Variants in CREB5 observed in about 807,000 individuals in gnomAD.
CREB5 encodes the protein cyclic AMP-responsive element-binding protein 5.
CREB5 carries 19 observed loss-of-function variants against 57.1 expected under a neutral mutation model. The observed-to-expected ratio is 0.33, with a 90% confidence interval of 0.23 to 0.49. The LOEUF is 0.49. CREB5 is among the 20% of genes least tolerant of loss of function. The probability of loss-of-function intolerance (pLI) is 0.99; values close to 1 mark genes in which losing one functional copy is unlikely to be tolerated. For synonymous variants in CREB5, 238 were observed against 238.3 expected, an observed-to-expected ratio of 1.00 and a Z score of 0.01; for missense variants, 579 against 671.6, an observed-to-expected ratio of 0.86 and a Z score of 1.52.
At chr7:28,753,045 C>T (rs1805078229) in intron 7 of CREB5, among the ~76,000 whole-genome samples, 1 of 152,094 alleles carries the variant, frequency 6.6e-6, no homozygotes, top group African/African-American at 2.4e-5. Flanking sequence ...CATGATTCCA[C>T]TTACTGGAAA....
chr7:28,535,037 G>A (rs535363430), intron 4 of CREB5, among the ~76,000 whole-genome samples: 3 of 141,742 alleles, frequency 2.1e-5, no homozygotes, highest in Non-Finnish European at 4.8e-5. Flanking sequence ...ACTGCAGCTC[G>A]CATCTCTGGT....
chr7:28,672,159 G>A (rs1247921692), intron 5 of CREB5, among the ~76,000 whole-genome samples: 2 of 142,550 alleles, frequency 1.4e-5, no homozygotes, highest in South Asian at 2.3e-4. Flanking sequence ...CAGACAAGGA[G>A]ATCAGTTGTA....
At chr7:28,466,021 A>G (rs1790549347) in intron 1 of CREB5, among the ~76,000 whole-genome samples, 1 of 152,206 alleles carries the variant, frequency 6.6e-6, no homozygotes. Context: ...CAAAATAAGG[A>G]CAACTGAGAA....
At chr7:28,700,364 G>C (rs1014666583) in intron 5 of CREB5, among the ~76,000 whole-genome samples, 2 of 151,872 alleles carry the variant, frequency 1.3e-5, no homozygotes, top group African/African-American at 4.8e-5. Context: ...CACTTTGAGG[G>C]GTATCTCCCA....
intron 9 of CREB5, among the ~76,000 whole-genome samples, chr7:28,816,985 GT>G (rs1209290549): frequency 6.6e-6 from 1 of 152,076 alleles, no homozygotes; most frequent in South Asian, 2.1e-4. Flanking sequence ...TCTATTTTAT[GT>G]TTATATTTGT....
At chr7:28,714,308 A>G (rs1463633027) in intron 5 of CREB5, among the ~76,000 whole-genome samples, 2 of 152,188 alleles carry the variant, frequency 1.3e-5, no homozygotes, top group South Asian at 2.1e-4. Context: ...GGGAAGATCA[A>G]TATCTTCCCA....
At chr7:28,804,051 C>CT (rs1808541358) in intron 7 of CREB5, 148 bp from the exon 8 acceptor site, 2 of 725,314 alleles carry the variant, frequency 2.8e-6, no homozygotes, top group Non-Finnish European at 2.3e-6. Context: ...CTATCTTGTA[C>CT]TGGTAGCAAG....
intron 5 of CREB5, among the ~76,000 whole-genome samples, chr7:28,682,694 G>GA (rs761096519): frequency 2.5e-5 from 3 of 119,794 alleles, no homozygotes; most frequent in African/African-American, 9.6e-5. Context: ...GGGGGGGGGG[G>GA]AAACCCCAGC....
At chr7:28,408,213 G>A (rs1787631049), upstream of CREB5, among the ~76,000 whole-genome samples, 1 of 152,178 alleles carries the variant, frequency 6.6e-6, no homozygotes, top group Non-Finnish European at 1.5e-5. Flanking sequence ...CTGTAGAATG[G>A]GAATAATTAT....
intron 1 of CREB5, among the ~76,000 whole-genome samples, chr7:28,330,401 C>CTTT (rs10699932): frequency 0.013 from 1,120 of 88,424 alleles, 29 homozygotes; most frequent in South Asian, 0.021. Context: ...GAGAACCTTA[C>CTTT]TTTTTTTTTT....
intron 4 of CREB5, among the ~76,000 whole-genome samples, chr7:28,561,834 C>T: frequency 6.6e-6 from 1 of 152,220 alleles, no homozygotes; most frequent in East Asian, 1.9e-4. Flanking sequence ...ACTTCTGCCT[C>T]CCTGGTTCAA....
intron 1 of CREB5, among the ~76,000 whole-genome samples, chr7:28,473,048 G>T (rs1289418612): frequency 1.3e-5 from 2 of 152,164 alleles, no homozygotes; most frequent in African/African-American, 4.8e-5. Flanking sequence ...TGTCCAGAGA[G>T]GTAAGCATTA....
At chr7:28,360,600 C>T (rs1228747393) in intron 1 of CREB5, among the ~76,000 whole-genome samples, 2 of 151,984 alleles carry the variant, frequency 1.3e-5, no homozygotes, top group Non-Finnish European at 2.9e-5. Context: ...TCAAAGGGTA[C>T]AATATTTCAG....
At chr7:28,758,243 C>A (rs1349830739) in intron 7 of CREB5, among the ~76,000 whole-genome samples, 1 of 152,184 alleles carries the variant, frequency 6.6e-6, no homozygotes. Flanking sequence ...GTATCTGAGT[C>A]CTTTCCTGCC....
intron 4 of CREB5, among the ~76,000 whole-genome samples, chr7:28,568,614 C>T (rs533415751): frequency 1.7e-4 from 26 of 152,318 alleles, no homozygotes; most frequent in African/African-American, 5.5e-4. Context: ...TTTCCCACAT[C>T]AGAAAAATTT....
At chr7:28,545,598 T>A (rs900346585) in intron 4 of CREB5, among the ~76,000 whole-genome samples, 1 of 152,200 alleles carries the variant, frequency 6.6e-6, no homozygotes, top group South Asian at 2.1e-4. Context: ...AAGAAACATA[T>A]GTATATATAT....
Position 28,412,902 on chromosome 7 carries a change from TATTCTACAG to T in CREB5, c.-10_-2del. On this transcript the variant is annotated 5_prime_UTR_variant, in exon 1 of 11. Transcript: ENST00000357727. ...GCAGGAAGCAACACGTTGCTGCTTT[TATTCTACAG>T]ATAATGGTAAGGATGATGTTTATTA... 1 of 1,494,560 alleles carries T rather than the reference TATTCTACAG, an allele frequency of 6.7e-7. No homozygotes were observed. Among genetic ancestry groups the T allele is most frequent in the Non-Finnish European group, 8.9e-7 (1 of 1,119,124 alleles). 92.6% of individuals were successfully genotyped at this position (1,494,560 alleles called of 1,614,324 possible). A position where few individuals can be genotyped will look rare whatever the true frequency, so the allele number is the denominator to read the frequency against.
At chr7:28,802,078 G>GAAAAAAAAAAAAAAAAAAA (rs35658848) in intron 7 of CREB5, among the ~76,000 whole-genome samples, 1 of 26,638 alleles carries the variant, frequency 3.8e-5, no homozygotes, top group Non-Finnish European at 6.5e-5. Context: ...GACTCCATCT[G>GAAAAAAAAAAAAAAAAAAA]AAAAAAAAAA....
At chr7:28,628,673 A>G (rs996347532) in intron 5 of CREB5, among the ~76,000 whole-genome samples, 3 of 152,214 alleles carry the variant, frequency 2.0e-5, no homozygotes, top group African/African-American at 7.2e-5. Flanking sequence ...AGGGTCCAAC[A>G]GCAGCATCCA....
Sources: allele counts gnomAD v4.1 joint callset (sites outside exome capture counted in the v4.1 genomes callset), GRCh38; gene constraint gnomAD v4.1.1; transcripts MANE v1.5; gene names NCBI Gene and HGNC (gene_info 2026-07-23, HGNC 2026-07-21).